Variants in CHMP2B observed in about 807,000 individuals in gnomAD.
CHMP2B encodes the protein charged multivesicular body protein 2B.
In CHMP2B, 22 loss-of-function variants were observed where a neutral mutation model predicts 29.8. The observed-to-expected ratio is 0.74, with a 90% CI of 0.53 to 1.05. CHMP2B has a LOEUF of 1.05. Ranked by LOEUF, CHMP2B falls within the 50% of genes least tolerant of loss-of-function variation. The pLI is 0.00. For synonymous variants in CHMP2B, 78 were observed against 75.8 expected (o/e 1.03, Z -0.15); for missense variants, 261 against 252.2 (o/e 1.03, Z -0.24).
chr3:87,240,699 A>T lies in CHMP2B; in HGVS notation c.35A>T (p.Asp12Val), dbSNP rs757730142. ...TAGGTTTCTTTTGTGATTCTCCTAGATGTAATAAAGGAACAGAATCGAGAG... is the reference window on the plus strand; with the variant it reads ...TAGGTTTCTTTTGTGATTCTCCTAGTTGTAATAAAGGAACAGAATCGAGAG... ...ASLFKKKTVD[D>V]VIKEQNRELR... The change falls in exon 2 of 6, where the codon GAT (aspartate) becomes GTT (valine). Residue 12 changes from aspartate to valine, a missense_variant and splice_region_variant. Physicochemically the swap from Asp to Val is radical, Grantham distance 152 (BLOSUM62 -3). Coordinates refer to ENST00000263780, the MANE Select transcript of CHMP2B (RefSeq NM_014043.4). 1 of 1,602,588 alleles carries T rather than the reference A, an allele frequency of 6.2e-7. No individual in the cohort carries two copies. Among genetic ancestry groups the T allele is most frequent in the Non-Finnish European group, 8.6e-7 (1 of 1,169,582 alleles).
chr3:87,235,728 G>T (rs1029895000), intron 1 of CHMP2B, among the ~76,000 whole-genome samples: 3 of 152,052 alleles, frequency 2.0e-5, no homozygotes, highest in African/African-American at 7.3e-5. Context: ...ACACCTATTG[G>T]GTGTTCAGCA....
At chr3:87,236,911 G>A (rs370370923) in intron 1 of CHMP2B, among the ~76,000 whole-genome samples, 23 of 152,144 alleles carry the variant, frequency 1.5e-4, no homozygotes, top group African/African-American at 5.5e-4. Context: ...TACTAGTTGA[G>A]TTTAGGGAGT....
chr3:87,240,557 A>G, intron 1 of CHMP2B, 142 bp from the exon 2 acceptor site: 1 of 638,026 alleles, frequency 1.6e-6, no homozygotes, highest in Non-Finnish European at 2.9e-6. Context: ...TGATCCACCC[A>G]AAGTGCTGCG....
intron 1 of CHMP2B, among the ~76,000 whole-genome samples, chr3:87,235,024 T>G (rs1253643165): frequency 6.6e-6 from 1 of 152,222 alleles, no homozygotes; most frequent in East Asian, 1.9e-4. Flanking sequence ...GAGGAATCCT[T>G]TCACATTTCA....
At chr3:87,241,980 T>C (rs1706126266) in intron 2 of CHMP2B, among the ~76,000 whole-genome samples, 1 of 152,174 alleles carries the variant, frequency 6.6e-6, no homozygotes, top group African/African-American at 2.4e-5. Context: ...TGACAGTCTT[T>C]AATTTTAGCC....
rs983086112 is a variant in CHMP2B, at chr3:87,232,343, G to A, written c.34+4787G>A. Among the ~76,000 whole-genome samples, 6 of 152,262 alleles carry A rather than the reference G, an allele frequency of 3.9e-5. No individual in the cohort carries two copies. In the South Asian group the frequency reaches 8.3e-4, roughly 21 times the overall value. On this transcript the variant is annotated intron_variant, in intron 1 of 5. Coordinates refer to ENST00000263780, the MANE Select transcript of CHMP2B (RefSeq NM_014043.4). ...AGGAAATAAAACGGAATACCCTTCA[G>A]AAACATTTTTTCTGTATTCCAGAAT...
intron 2 of CHMP2B, among the ~76,000 whole-genome samples, chr3:87,241,276 A>G (rs1029718855): frequency 6.6e-6 from 1 of 152,204 alleles, no homozygotes; most frequent in African/African-American, 2.4e-5. Flanking sequence ...TGTTGCCTCA[A>G]ATCTTTAAAA....
intron 4 of CHMP2B, 188 bp from the exon 5 acceptor site, chr3:87,253,216 C>G: frequency 3.7e-6 from 2 of 538,914 alleles, no homozygotes; most frequent in Non-Finnish European, 3.4e-6. Flanking sequence ...GAACATTATT[C>G]CAGATTTAAT....
chr3:87,233,702 C>T (rs559769075), intron 1 of CHMP2B, among the ~76,000 whole-genome samples: 1 of 152,224 alleles, frequency 6.6e-6, no homozygotes, highest in African/African-American at 2.4e-5. Context: ...GCTACCTCTT[C>T]CCTGGAGATC....
Position 87,231,811 on chromosome 3 carries a change from G to C in CHMP2B, c.34+4255G>C, listed in dbSNP as rs115957338. Among the ~76,000 whole-genome samples the C allele has an allele frequency of 5.8e-3, 878 of 152,002 alleles. 3 individuals are homozygous for C. The highest frequency in any genetic ancestry group is 9.5e-3 in the Non-Finnish European group (648 of 67,936). The stretch of plus-strand genomic sequence containing the variant: ...CCTCTAGCTAAGCTGAACTATCCTA[G>C]GTTTATTTCTTCTCAAAGTCTCTAT... On this transcript the variant is annotated intron_variant, in intron 1 of 5. Transcript: ENST00000263780.
chr3:87,242,066 A>G (rs1706127421), intron 2 of CHMP2B, among the ~76,000 whole-genome samples: 1 of 152,122 alleles, frequency 6.6e-6, no homozygotes. Flanking sequence ...ACATCTTTTT[A>G]TATACCTGTT....
intron 1 of CHMP2B, 79 bp downstream of exon 1, chr3:87,227,635 C>A: frequency 6.4e-7 from 1 of 1,569,184 alleles, no homozygotes; most frequent in East Asian, 2.2e-5. Flanking sequence ...CGCGATTCTG[C>A]CTACTGTCCC....
At chr3:87,234,845 A>AGGGG (rs1338798565) in intron 1 of CHMP2B, among the ~76,000 whole-genome samples, 1 of 152,214 alleles carries the variant, frequency 6.6e-6, no homozygotes, top group Non-Finnish European at 1.5e-5. Context: ...CTCACATTGA[A>AGGGG]AAATCGGGGA....
intron 1 of CHMP2B, among the ~76,000 whole-genome samples, chr3:87,237,489 T>A (rs1018629984): frequency 9.2e-5 from 14 of 152,200 alleles, no homozygotes; most frequent in African/African-American, 3.4e-4. Context: ...ATCTGAACTA[T>A]GAGAAAATAC....
At chr3:87,239,640 T>C (rs1292712169) in intron 1 of CHMP2B, among the ~76,000 whole-genome samples, 1 of 152,190 alleles carries the variant, frequency 6.6e-6, no homozygotes, top group Non-Finnish European at 1.5e-5. Flanking sequence ...CTACTTGCTA[T>C]CTATGTGGCT....
chr3:87,246,001 G>A (rs1706205685), intron 3 of CHMP2B, 93 bp downstream of exon 3: 2 of 967,398 alleles, frequency 2.1e-6, no homozygotes, highest in East Asian at 2.5e-5. Flanking sequence ...ACCTCCTGGT[G>A]TATATGTGAT....
In CHMP2B at chr3:87,245,869, C is replaced by A. The variant is rs1307673505; in HGVS notation, c.282C>A (p.Ser94=). ...CTACACAAACAAAAGTGATGAATTC[C>A]CAAATGAAGATGGCTGGAGCAATGT... ...SMSTQTKVMN[S]QMKMAGAMST... is the part of the protein sequence containing the mutation. The change falls in exon 3 of 6, where the codon TCC becomes TCA. Residue 94 remains serine (S), a synonymous_variant. Coordinates refer to ENST00000263780, the MANE Select transcript of CHMP2B (RefSeq NM_014043.4). 5.0e-6 allele frequency: 8 copies of A among 1,613,064 alleles called. No individual in the cohort carries two copies. In the East Asian group the frequency reaches 1.8e-4, roughly 36 times the overall value.
At chr3:87,248,182 C>T (rs1241704983) in intron 3 of CHMP2B, among the ~76,000 whole-genome samples, 1 of 151,684 alleles carries the variant, frequency 6.6e-6, no homozygotes, top group East Asian at 2.0e-4. Context: ...ACTGTAATCC[C>T]AGCTACTTGG....
chr3:87,244,929 C>T (rs1706184641), intron 2 of CHMP2B, among the ~76,000 whole-genome samples: 1 of 152,136 alleles, frequency 6.6e-6, no homozygotes, highest in South Asian at 2.1e-4. Flanking sequence ...TGATATTTCT[C>T]ATGCTAATTA....
Sources: allele counts gnomAD v4.1 joint callset (sites outside exome capture counted in the v4.1 genomes callset), GRCh38; gene constraint gnomAD v4.1.1; transcripts MANE v1.5; gene names NCBI Gene and HGNC (gene_info 2026-07-23, HGNC 2026-07-21).